UNC5A: variants seen among roughly 807,000 people sequenced by gnomAD.
The protein encoded by UNC5A is unc-5 netrin receptor A.
A neutral mutation model predicts 87.4 loss-of-function variants in UNC5A; 20 were observed. The observed-to-expected ratio is 0.23, with a 90% CI of 0.16 to 0.33. The LOEUF (loss-of-function observed/expected upper bound fraction) is 0.33, where lower values mean the gene tolerates loss of function less well. Among genes scored for constraint, UNC5A ranks in the 10% least tolerant of loss-of-function variants. The pLI, the probability that UNC5A is intolerant of heterozygous loss-of-function variation, is 1.00. For synonymous variants in UNC5A, 438 were observed against 482.3 expected, an observed-to-expected ratio of 0.91 and a Z score of 1.20; for missense variants, 844 against 1,133.4, an observed-to-expected ratio of 0.74 and a Z score of 3.67.
At chr5:176,815,953 G>A (rs1420927864) in intron 1 of UNC5A, among the ~76,000 whole-genome samples, 1 of 152,242 alleles carries the variant, frequency 6.6e-6, no homozygotes, top group Non-Finnish European at 1.5e-5. Context: ...ACTGTGTGTT[G>A]ATGATCATCT....
intron 1 of UNC5A, among the ~76,000 whole-genome samples, 164 bp from the exon 2 acceptor site, chr5:176,862,460 G>C (rs571808400): frequency 2.0e-5 from 3 of 152,200 alleles, no homozygotes; most frequent in African/African-American, 4.8e-5. Context: ...AGGCCCGGGT[G>C]GGGGATGGTC....
At chr5:176,831,060 C>T (rs1162979947) in intron 1 of UNC5A, among the ~76,000 whole-genome samples, 1 of 151,996 alleles carries the variant, frequency 6.6e-6, no homozygotes, top group African/African-American at 2.4e-5. Flanking sequence ...GAAGCCCGTT[C>T]CTCATCCTTC....
chr5:176,876,903 G>A (rs910747308), intron 8 of UNC5A, among the ~76,000 whole-genome samples: 8 of 152,180 alleles, frequency 5.3e-5, no homozygotes, highest in East Asian at 1.9e-4. Context: ...GCCTTTCAGG[G>A]GACAAGGGAG....
In UNC5A at chr5:176,874,546, G is replaced by A. The variant is rs1028287085; in HGVS notation, c.1358G>A (p.Arg453Gln). ...GGGACCTTCAACTTCCTCGGGGGCC[G>A]GCTGATGATCCCTAATACAGGTAGG... is the stretch of plus-strand genomic sequence containing the variant. ...TYGTFNFLGG[R>Q]LMIPNTGISL... The change falls in exon 8 of 15, where the codon CGG (arginine) becomes CAG (glutamine). Residue 453 changes from arginine (R) to glutamine (Q), a missense_variant. Physicochemically the swap from Arg to Gln is conservative, Grantham distance 43 (BLOSUM62 1). Coordinates refer to ENST00000329542, the MANE Select transcript of UNC5A (RefSeq NM_133369.3). The surrounding 1 kb of genome is among the most constrained non-coding windows in gnomAD (Gnocchi z 7.6). The A allele has an allele frequency of 3.2e-6, 5 of 1,571,476 alleles. No homozygotes were observed. The highest frequency in any genetic ancestry group is 2.3e-5 in the East Asian group (1 of 44,364).
At chr5:176,819,759 C>G (rs1371786732) in intron 1 of UNC5A, among the ~76,000 whole-genome samples, 3 of 152,204 alleles carry the variant, frequency 2.0e-5, no homozygotes, top group African/African-American at 7.2e-5. Flanking sequence ...GCCGGAGCCA[C>G]CAAGGCCATT....
Position 176,810,924 on chromosome 5 carries a change from A to G in UNC5A, c.70+104A>G. On this transcript the variant is annotated intron_variant, in intron 1 of 14. Coordinates refer to ENST00000329542, the MANE Select transcript of UNC5A (RefSeq NM_133369.3). The surrounding 1 kb of genome is among the most constrained non-coding windows in gnomAD (Gnocchi z 7.3). The stretch of plus-strand genomic sequence containing the variant: ...ACCAGCGCTGCCAGACCCGGCTGGG[A>G]GCCCCCCGAGGCCAAACTTTGCGAG... The G allele has an allele frequency of 9.5e-7, 1 of 1,053,164 alleles. No individual in the cohort carries two copies. The highest frequency in any genetic ancestry group is 1.2e-6 in the Non-Finnish European group (1 of 851,314). 65.2% of individuals were successfully genotyped at this position (1,053,164 alleles called of 1,614,324 possible).
intron 1 of UNC5A, among the ~76,000 whole-genome samples, chr5:176,839,051 C>A (rs1757207027): frequency 6.6e-6 from 1 of 152,142 alleles, no homozygotes; most frequent in South Asian, 2.1e-4. Flanking sequence ...TGTTCTCCTG[C>A]CTCTGTGCGT....
rs530065323 is a variant in UNC5A at position 176,869,297 on chromosome 5, C to T, written c.721+333C>T. Among the ~76,000 whole-genome samples the T allele has an allele frequency of 2.6e-5, 4 of 152,224 alleles. No homozygotes were observed. In the South Asian group the frequency reaches 8.3e-4, roughly 32 times the overall value. ...ATCAGAAGCCACACAGTCCAGGCAC[C>T]CCCAGGAGCCAGCAGAGGGAGGGTG... is the stretch of plus-strand genomic sequence containing the variant. On this transcript the variant is annotated intron_variant, in intron 5 of 14. Transcript: ENST00000329542. This position sits in a 1 kb window ranked among gnomAD's most constrained non-coding sequence, Gnocchi z 9.1.
intron 1 of UNC5A, among the ~76,000 whole-genome samples, chr5:176,849,938 C>T (rs1757503055): frequency 1.3e-5 from 2 of 152,216 alleles, no homozygotes; most frequent in Admixed American, 1.3e-4. Flanking sequence ...CATCACTGGC[C>T]CCCGACTTGC....
In UNC5A at chr5:176,875,919, C is replaced by T. The variant is rs1009675643; in HGVS notation, c.1379-1273C>T. On this transcript the variant is annotated intron_variant, in intron 8 of 14. Coordinates refer to ENST00000329542, the MANE Select transcript of UNC5A (RefSeq NM_133369.3). The surrounding 1 kb of genome is among the most constrained non-coding windows in gnomAD (Gnocchi z 5.2). ...CGTCCACACGGATGATAACGAACCCCTCATGGGGCTGTTGGGATGACGAGG... is the reference window on the plus strand; with the variant it reads ...CGTCCACACGGATGATAACGAACCCTTCATGGGGCTGTTGGGATGACGAGG... 2.0e-5 allele frequency among the ~76,000 whole-genome samples: 3 copies of T among 152,266 alleles called. No homozygotes were observed. Among genetic ancestry groups the T allele is most frequent in the Non-Finnish European group, 4.4e-5 (3 of 68,054 alleles).
chr5:176,848,039 G>C lies in UNC5A; in HGVS notation c.71-14585G>C, dbSNP rs951172259. ...CTGCTGCCTTCCCACACCAGACCTG[G>C]GGGGGCAAGAGGAAGAGGAGGCATC... On this transcript the variant is annotated intron_variant, in intron 1 of 14. Transcript: ENST00000329542. This position sits in a 1 kb window ranked among gnomAD's most constrained non-coding sequence, Gnocchi z 5.8. Among the ~76,000 whole-genome samples the C allele has an allele frequency of 9.2e-5, 14 of 152,042 alleles. No individual in the cohort carries two copies. The highest frequency in any genetic ancestry group is 3.4e-4 in the African/African-American group (14 of 41,360).
intron 1 of UNC5A, among the ~76,000 whole-genome samples, chr5:176,817,849 G>T (rs1011101959): frequency 6.6e-6 from 1 of 151,896 alleles, no homozygotes; most frequent in Non-Finnish European, 1.5e-5. Context: ...CAGGCCGGGG[G>T]TGGGTGCCGC....
chr5:176,870,333 G>T, intron 5 of UNC5A, 37 bp from the exon 6 acceptor site: 1 of 1,604,406 alleles, frequency 6.2e-7, no homozygotes, highest in South Asian at 1.1e-5. Flanking sequence ...CTCCCAGGCT[G>T]ACCGCACCGT....
In UNC5A at chr5:176,862,698, G is replaced by A; in HGVS notation, c.145G>A (p.Glu49Lys). The change falls in exon 2 of 15, where the codon GAG becomes AAG. Residue 49 changes from glutamate to lysine, a missense_variant. Around this residue, in one of 3 missense-constraint regions of UNC5A, gnomAD observed 314 missense variants for 466.5 expected, o/e 0.67. Transcript: ENST00000329542. ...GGACCTGCTTCCCCACTTCCTGGTG[G>A]AGCCCGAGGATGTGTACATCGTCAA... ...NPDLLPHFLV[E>K]PEDVYIVKNK... 1 of 1,613,540 alleles carries A rather than the reference G, an allele frequency of 6.2e-7. No homozygotes were observed. Among genetic ancestry groups the A allele is most frequent in the East Asian group, 2.2e-5 (1 of 44,878 alleles).
rs1758195070 is a variant in UNC5A at position 176,874,008 on chromosome 5, C to T, written c.927C>T (p.Leu309=). 1 of 1,613,896 alleles carries T rather than the reference C, an allele frequency of 6.2e-7. No homozygotes were observed. Among genetic ancestry groups the T allele is most frequent in the Non-Finnish European group, 8.5e-7 (1 of 1,179,980 alleles). The change falls in exon 7 of 15, where the codon CTC becomes CTT. Residue 309 remains leucine (L), a synonymous_variant. Coordinates refer to ENST00000329542, the MANE Select transcript of UNC5A (RefSeq NM_133369.3). This position sits in a 1 kb window ranked among gnomAD's most constrained non-coding sequence, Gnocchi z 7.6. ...GPEDVALYVG[L]IAVAVCLVLL... ...AGGACGTGGCCCTCTATGTGGGCCTCATCGCCGTGGCCGTCTGCCTGGTCC... is the reference window on the plus strand; with the variant it reads ...AGGACGTGGCCCTCTATGTGGGCCTTATCGCCGTGGCCGTCTGCCTGGTCC...
At chr5:176,816,861 C>A (rs1467795766) in intron 1 of UNC5A, among the ~76,000 whole-genome samples, 1 of 152,192 alleles carries the variant, frequency 6.6e-6, no homozygotes, top group East Asian at 1.9e-4. Flanking sequence ...GAAGACGGAG[C>A]GACTGGGGAG....
chr5:176,821,078 C>A (rs574002473), intron 1 of UNC5A, among the ~76,000 whole-genome samples: 1 of 152,326 alleles, frequency 6.6e-6, no homozygotes, highest in African/African-American at 2.4e-5. Flanking sequence ...CCCACAGCCA[C>A]CAGCATGCCA....
chr5:176,810,755 C>T lies in UNC5A; in HGVS notation c.5C>T (p.Ala2Val). The T allele has an allele frequency of 8.5e-7, 1 of 1,178,600 alleles. No homozygotes were observed. The highest frequency in any genetic ancestry group is 1.0e-6 in the Non-Finnish European group (1 of 954,778). The allele number at this position is 1,178,600 out of a possible 1,614,324, so 73.0% of individuals were successfully genotyped here. The change falls in exon 1 of 15, where the codon GCC becomes GTC. Residue 2 changes from alanine (A) to valine (V), a missense_variant. Transcript: ENST00000329542. The surrounding 1 kb of genome is among the most constrained non-coding windows in gnomAD (Gnocchi z 7.3). The part of the protein sequence containing the change: M[A>V]VRPGLWPALL... Reference sequence around the variant, plus strand: ...CCCGCCTGCCCGCCCGCGGCCATGGCCGTCCGGCCCGGCCTGTGGCCAGCG... The same window carrying T: ...CCCGCCTGCCCGCCCGCGGCCATGGTCGTCCGGCCCGGCCTGTGGCCAGCG...
chr5:176,869,114 G>A lies in UNC5A; in HGVS notation c.721+150G>A. 1 of 914,128 alleles carries A rather than the reference G, an allele frequency of 1.1e-6. No homozygotes were observed. Among genetic ancestry groups the A allele is most frequent in the Non-Finnish European group, 1.6e-6 (1 of 627,760 alleles). 56.6% of individuals were successfully genotyped at this position (914,128 alleles called of 1,614,324 possible). A position where few individuals can be genotyped will look rare whatever the true frequency, so the allele number is the denominator to read the frequency against. On this transcript the variant is annotated intron_variant, in intron 5 of 14. Transcript: ENST00000329542. This position sits in a 1 kb window ranked among gnomAD's most constrained non-coding sequence, Gnocchi z 9.1. ...AGGCAGGATAAGCAAAGGGCTCTCT[G>A]TGACTGCTGGGGGCCCAGGGGCATG...
Sources: allele counts gnomAD v4.1 joint callset (sites outside exome capture counted in the v4.1 genomes callset), GRCh38; gene constraint gnomAD v4.1.1; regional missense constraint gnomAD v4.1.1; non-coding constraint Gnocchi (gnomAD v3.1); transcripts MANE v1.5; gene names NCBI Gene and HGNC (gene_info 2026-07-23, HGNC 2026-07-21).